CCSER1: variants seen among roughly 807,000 people sequenced by gnomAD.
CCSER1 encodes the protein coiled-coil serine rich protein 1, also known as serine-rich coiled-coil domain-containing protein 1.
A neutral mutation model predicts 82.0 loss-of-function variants in CCSER1; 41 were observed. That is an observed-to-expected ratio of 0.50 (90% CI 0.39 to 0.65). CCSER1 has a LOEUF of 0.65. Among genes scored for constraint, CCSER1 ranks in the 30% least tolerant of loss-of-function variants. The pLI is 0.00. For missense variants in CCSER1, 1,119 were observed against 1,064.2 expected, an observed-to-expected ratio of 1.05 and a Z score of -0.72; for synonymous variants, 414 against 383.9, an observed-to-expected ratio of 1.08 and a Z score of -0.92.
chr4:91,323,454 A>T (rs1746334635), intron 10 of CCSER1, among the ~76,000 whole-genome samples: 3 of 152,150 alleles, frequency 2.0e-5, no homozygotes, highest in Admixed American at 1.3e-4. Context: ...GTACGAAGAA[A>T]CATTAGTCTT....
intron 6 of CCSER1, among the ~76,000 whole-genome samples, chr4:90,707,538 A>ATATAT (rs199769910): frequency 7.2e-6 from 1 of 138,050 alleles, no homozygotes; most frequent in African/African-American, 2.7e-5. Flanking sequence ...TTAAAAAAAA[A>ATATAT]ATATATATAT....
chr4:91,592,791 A>G (rs943380532), intron 10 of CCSER1, among the ~76,000 whole-genome samples: 3 of 152,052 alleles, frequency 2.0e-5, no homozygotes, highest in African/African-American at 7.2e-5. Flanking sequence ...AAGTTTCTCT[A>G]TTCCTTTAAG....
At chr4:91,049,920 C>G (rs1742848849) in intron 9 of CCSER1, among the ~76,000 whole-genome samples, 2 of 152,198 alleles carry the variant, frequency 1.3e-5, no homozygotes, top group Admixed American at 1.3e-4. Flanking sequence ...GTCTCGGGCA[C>G]TGGCCCAGGC....
intron 10 of CCSER1, among the ~76,000 whole-genome samples, chr4:91,596,812 T>G (rs1764602053): frequency 6.6e-6 from 1 of 152,010 alleles, no homozygotes. Flanking sequence ...GGGGGTCTGC[T>G]GTAAGTAGCT....
intron 6 of CCSER1, among the ~76,000 whole-genome samples, chr4:90,691,567 T>C (rs984076695): frequency 2.0e-5 from 3 of 151,682 alleles, no homozygotes; most frequent in Non-Finnish European, 2.9e-5. Context: ...TGTGTGTATA[T>C]CACATGTATA....
chr4:90,445,737 T>C (rs550487780), intron 4 of CCSER1, among the ~76,000 whole-genome samples: 116 of 152,268 alleles, frequency 7.6e-4, no homozygotes, highest in African/African-American at 2.6e-3. Flanking sequence ...GTTTTTGTTC[T>C]CTTCTTCCCT....
At chr4:91,286,394 G>A (rs768490983) in intron 10 of CCSER1, among the ~76,000 whole-genome samples, 4 of 151,850 alleles carry the variant, frequency 2.6e-5, no homozygotes, top group Non-Finnish European at 5.9e-5. Context: ...GTTGGATAAT[G>A]TGGAGTCTTG....
At chr4:90,740,714 A>C (rs540842907) in intron 7 of CCSER1, among the ~76,000 whole-genome samples, 50 of 152,218 alleles carry the variant, frequency 3.3e-4, no homozygotes, top group South Asian at 1.2e-3. Flanking sequence ...TCTTAAATTT[A>C]AATTTCAATT....
At chr4:91,296,483 A>ATATATATATATATATATATATATTATT (rs1175690764) in intron 10 of CCSER1, among the ~76,000 whole-genome samples, 3 of 124,022 alleles carry the variant, frequency 2.4e-5, no homozygotes, top group African/African-American at 3.4e-5. Flanking sequence ...ATATATATAT[A>ATATATATATATATATATATATATTATT]TATTTTAATT....
intron 8 of CCSER1, among the ~76,000 whole-genome samples, chr4:90,880,930 A>G (rs1299493434): frequency 6.6e-6 from 1 of 151,940 alleles, no homozygotes; most frequent in Non-Finnish European, 1.5e-5. Flanking sequence ...TCCCAATGCA[A>G]GTACTTAGAT....
intron 10 of CCSER1, 81 bp from the exon 11 acceptor site, chr4:91,598,491 G>C (rs1764686131): frequency 7.3e-7 from 1 of 1,368,670 alleles, no homozygotes; most frequent in South Asian, 1.6e-5. Flanking sequence ...AGACACAAAT[G>C]TATAAATATC....
Position 91,600,727 on chromosome 4 carries a change from G to A in CCSER1, c.*1670G>A, listed in dbSNP as rs561689912. 9.1e-4 allele frequency: 139 copies of A among 152,256 alleles called. No homozygotes were observed. The highest frequency in any genetic ancestry group is 3.3e-3 in the African/African-American group (136 of 41,564). The allele number at this position is 152,256 out of a possible 1,614,324, so 9.4% of individuals were successfully genotyped here. A position where few individuals can be genotyped will look rare whatever the true frequency, so the allele number is the denominator to read the frequency against. The stretch of plus-strand genomic sequence containing the variant: ...ATTGGAACTGATAAAGTAAGGAGTC[G>A]AGTGGATATGTTGTACTTGTAATTT... On this transcript the variant is annotated 3_prime_UTR_variant, in exon 11 of 11. Coordinates refer to ENST00000509176, the MANE Select transcript of CCSER1 (RefSeq NM_001145065.2).
chr4:90,702,992 A>C (rs1411662214), intron 6 of CCSER1, among the ~76,000 whole-genome samples: 1 of 151,978 alleles, frequency 6.6e-6, no homozygotes, highest in East Asian at 1.9e-4. Flanking sequence ...CTCTGATCTT[A>C]GTTATTTCTT....
intron 9 of CCSER1, among the ~76,000 whole-genome samples, chr4:91,037,217 GTCTT>G (rs1741508432): frequency 6.7e-6 from 1 of 148,234 alleles, no homozygotes; most frequent in Non-Finnish European, 1.5e-5. Context: ...CAATCTTTGT[GTCTT>G]TCTATCTCTG....
In CCSER1 at chr4:91,176,665, A is replaced by G. The variant is rs558620487; in HGVS notation, c.2217+90671A>G. On this transcript the variant is annotated intron_variant, in intron 10 of 10. Coordinates refer to ENST00000509176, the MANE Select transcript of CCSER1 (RefSeq NM_001145065.2). Reference sequence around the variant, plus strand: ...GAATGCTTGTGATTTTTGCACATTGATTTTGTATCCTGAGACTTTGCTGAA... The same window carrying G: ...GAATGCTTGTGATTTTTGCACATTGGTTTTGTATCCTGAGACTTTGCTGAA... Among the ~76,000 whole-genome samples, 14 of 152,274 alleles carry G rather than the reference A, an allele frequency of 9.2e-5. No individual in the cohort carries two copies. The South Asian group carries it at 1.5e-3, about 16-fold the overall frequency.
chr4:90,170,391 C>T (rs1199642993), intron 1 of CCSER1, among the ~76,000 whole-genome samples: 2 of 151,080 alleles, frequency 1.3e-5, no homozygotes, highest in Non-Finnish European at 3.0e-5. Context: ...ACTTTACCTA[C>T]CTAACAGCTA....
intron 5 of CCSER1, among the ~76,000 whole-genome samples, chr4:90,585,445 A>T (rs28376056): frequency 0.015 from 2,335 of 152,276 alleles, 53 homozygotes; most frequent in African/African-American, 0.053. Context: ...AGTGACAATA[A>T]CAGGAAAGGC....
At chr4:90,691,203 A>G (rs777719212) in intron 6 of CCSER1, among the ~76,000 whole-genome samples, 1 of 152,076 alleles carries the variant, frequency 6.6e-6, no homozygotes, top group Non-Finnish European at 1.5e-5. Context: ...TAATTTTACT[A>G]TTAAATCTTT....
At chr4:90,264,037 G>A (rs1285941864) in intron 1 of CCSER1, among the ~76,000 whole-genome samples, 1 of 152,144 alleles carries the variant, frequency 6.6e-6, no homozygotes, top group Non-Finnish European at 1.5e-5. Context: ...GAAAGATATA[G>A]CAGTTTTCAA....
Sources: allele counts gnomAD v4.1 joint callset (sites outside exome capture counted in the v4.1 genomes callset), GRCh38; gene constraint gnomAD v4.1.1; transcripts MANE v1.5; gene names NCBI Gene and HGNC (gene_info 2026-07-23, HGNC 2026-07-21).